INTS1: variants seen among roughly 807,000 people sequenced by gnomAD.
INTS1 encodes the protein integrator complex subunit 1.
A neutral mutation model predicts 241.6 loss-of-function variants in INTS1; 137 were observed. That is an observed-to-expected ratio of 0.57 (90% CI 0.49 to 0.65). The LOEUF (loss-of-function observed/expected upper bound fraction) is 0.65, where lower values mean the gene tolerates loss of function less well. INTS1 is among the 30% of genes least tolerant of loss of function. INTS1 has a pLI of 0.00. For missense variants in INTS1, 3,073 were observed against 3,032.2 expected (o/e 1.01, Z -0.32); for synonymous variants, 1,692 against 1,337.8 (o/e 1.26, Z -5.78).
Position 1,481,439 on chromosome 7 carries a change from A to C in INTS1, c.3753T>G (p.Phe1251Leu). 6.2e-7 allele frequency: 1 copy of C among 1,612,416 alleles called. No homozygotes were observed. The highest frequency in any genetic ancestry group is 8.5e-7 in the Non-Finnish European group (1 of 1,179,518). ...TGCTCATGCTGGACACGGGGATGCC[A>C]AACGACTGCACGAACAGCAGCAGCT... ...PQQLLLFVQS[F>L]GIPVSSMSKL... Residue 1251 changes from phenylalanine (F) to leucine (L), a missense_variant, in exon 28 of 48, where the codon TTT (phenylalanine) becomes TTG (leucine). Physicochemically the swap from Phe to Leu is conservative, Grantham distance 22 (BLOSUM62 0). Transcript: ENST00000404767. This position sits in a 1 kb window ranked among gnomAD's most constrained non-coding sequence, Gnocchi z 6.8.
intron 13 of INTS1, 136 bp downstream of exon 13, chr7:1,495,297 G>T: frequency 9.3e-7 from 1 of 1,072,186 alleles, no homozygotes; most frequent in Non-Finnish European, 1.3e-6. Context: ...CCGGCTTAGT[G>T]GGGTGTGGGG....
At chr7:1,484,511 C>T (rs865880392) in intron 24 of INTS1, among the ~76,000 whole-genome samples, 9 of 152,314 alleles carry the variant, frequency 5.9e-5, no homozygotes, top group South Asian at 4.1e-4. Context: ...AGGTTGTGGA[C>T]AAGAGAACCG....
chr7:1,495,408 G>A, intron 13 of INTS1, 25 bp downstream of exon 13: 1 of 1,599,044 alleles, frequency 6.3e-7, no homozygotes, highest in Non-Finnish European at 8.5e-7. Context: ...TGTGGGACAG[G>A]GGCTGTACAG....
chr7:1,476,673 G>T lies in INTS1; in HGVS notation c.5064-16C>A. 6.2e-7 allele frequency: 1 copy of T among 1,612,596 alleles called. No individual in the cohort carries two copies. The highest frequency in any genetic ancestry group is 8.5e-7 in the Non-Finnish European group (1 of 1,179,796). On this transcript the variant is annotated splice_polypyrimidine_tract_variant and intron_variant, in intron 36 of 47. Coordinates refer to ENST00000404767, the MANE Select transcript of INTS1 (RefSeq NM_001080453.3). ...GGGGTCGAACCTGTGGGGAGGCAAA[G>T]GTTCCAGAGCACGAGGTGTCTCGTC...
Position 1,503,898 on chromosome 7 carries a change from C to A in INTS1, c.58+5G>T, listed in dbSNP as rs1783330625. Reference sequence around the variant, plus strand: ...CCGGGCTGCAGAGCGAGGAGGGAGACGCACCTGAGGGTTTGGCCGCGGCGC... The same window carrying A: ...CCGGGCTGCAGAGCGAGGAGGGAGAAGCACCTGAGGGTTTGGCCGCGGCGC... On this transcript the variant is annotated splice_donor_5th_base_variant and intron_variant, in intron 2 of 47. Transcript: ENST00000404767. 1 of 1,562,778 alleles carries A rather than the reference C, an allele frequency of 6.4e-7. No homozygotes were observed. The highest frequency in any genetic ancestry group is 1.9e-5 in the Admixed American group (1 of 53,406).
intron 2 of INTS1, 108 bp from the exon 3 acceptor site, chr7:1,503,299 G>A (rs543421037): frequency 2.2e-5 from 27 of 1,239,594 alleles, no homozygotes; most frequent in Admixed American, 1.8e-4. Flanking sequence ...AGGGTCAGAG[G>A]AGGCAAGGAA....
chr7:1,501,377 C>A (rs944574829), intron 3 of INTS1: 1 of 152,104 alleles, frequency 6.6e-6, no homozygotes, highest in South Asian at 2.1e-4. Flanking sequence ...ACCTTAACTG[C>A]GCCCGGGACA....
chr7:1,498,789 C>T lies in INTS1; in HGVS notation c.1201G>A (p.Glu401Lys), dbSNP rs762137304. The T allele has an allele frequency of 1.6e-5, 25 of 1,599,370 alleles. No homozygotes were observed. The highest frequency in any genetic ancestry group is 2.0e-5 in the Non-Finnish European group (23 of 1,173,390). ...AGGTGTGAGATGACGTCCATGTCTTCGGAACCGTGCGTGTTGCAGTTCATG... is the reference window on the plus strand; with the variant it reads ...AGGTGTGAGATGACGTCCATGTCTTTGGAACCGTGCGTGTTGCAGTTCATG... ...VCMNCNTHGSEDMDVISHLIK... is the reference protein window; with the variant it reads ...VCMNCNTHGSKDMDVISHLIK... The change falls in exon 9 of 48, where the codon GAA (glutamate) becomes AAA (lysine). Residue 401 changes from glutamate (E) to lysine (K), a missense_variant. Physicochemically the swap from Glu to Lys is moderately conservative, Grantham distance 56 (BLOSUM62 1). Coordinates refer to ENST00000404767, the MANE Select transcript of INTS1 (RefSeq NM_001080453.3).
intron 16 of INTS1, among the ~76,000 whole-genome samples, chr7:1,491,670 G>A (rs1782552349): frequency 6.6e-6 from 1 of 152,204 alleles, no homozygotes; most frequent in South Asian, 2.1e-4. Flanking sequence ...GGAGGTCAAA[G>A]CAGGAGGACT....
rs1425553885 is a variant in INTS1 at position 1,486,993 on chromosome 7, C to T, written c.2755G>A (p.Val919Met). The T allele has an allele frequency of 6.2e-7, 1 of 1,607,396 alleles. No homozygotes were observed. Among genetic ancestry groups the T allele is most frequent in the Admixed American group, 1.7e-5 (1 of 59,786 alleles). ...CLCEFLLHDA[V>M]DDAASGEEDD... is the part of the protein sequence containing the mutation. ...TCCTCCCCGGAAGCAGCATCGTCCA[C>T]AGCATCGTGCAGCAGGAACTCGCAC... Residue 919 changes from valine to methionine, a missense_variant, in exon 21 of 48, where the codon GTG becomes ATG. Val to Met is a conservative substitution (Grantham distance 21, BLOSUM62 1). Transcript: ENST00000404767.
chr7:1,470,769 A>T (rs1781423653), intron 47 of INTS1, 77 bp from the exon 48 acceptor site: 1 of 1,470,432 alleles, frequency 6.8e-7, no homozygotes. Flanking sequence ...CGGGACTCCC[A>T]AGAGCCAGCC....
rs939704290 is a variant in INTS1 at position 1,473,101 on chromosome 7, G to A, written c.6041C>T (p.Thr2014Ile). 3.1e-6 allele frequency: 5 copies of A among 1,611,310 alleles called. No homozygotes were observed. Among genetic ancestry groups the A allele is most frequent in the Non-Finnish European group, 4.2e-6 (5 of 1,178,914 alleles). ...GLSLPSRDDR[T>I]DRGLDEEGEE... ...GCCCTCTTCGTCCAGGCCTCGGTCG[G>A]TCCTGTCGTCCCTGCTGGGCAGGCT... The change falls in exon 43 of 48, where the codon ACC becomes ATC. Residue 2014 changes from threonine (T) to isoleucine (I), a missense_variant. Coordinates refer to ENST00000404767, the MANE Select transcript of INTS1 (RefSeq NM_001080453.3).
chr7:1,471,282 C>T, intron 45 of INTS1, 58 bp from the exon 46 acceptor site: 1 of 1,498,188 alleles, frequency 6.7e-7, no homozygotes, highest in Non-Finnish European at 9.1e-7. Flanking sequence ...CATCAAGGCC[C>T]CTTCACCTCT....
chr7:1,490,025 G>C (rs759091382), intron 16 of INTS1, among the ~76,000 whole-genome samples: 2 of 152,180 alleles, frequency 1.3e-5, no homozygotes, highest in African/African-American at 2.4e-5. Context: ...TGGAATTATT[G>C]TAACGATACA....
rs539549808 is a variant in INTS1 at position 1,495,799 on chromosome 7, C to A, written c.1712-246G>T. ...CGGTCAATGGCTTAGAGGGCTTCTG[C>A]GGCCCAGCCTTCCTGTGAACCCATA... is the stretch of plus-strand genomic sequence containing the variant. On this transcript the variant is annotated intron_variant, in intron 12 of 47. Transcript: ENST00000404767. Among the ~76,000 whole-genome samples, 380 of 152,276 alleles carry A rather than the reference C, an allele frequency of 2.5e-3. 4 individuals are homozygous for A. Among genetic ancestry groups the A allele is most frequent in the African/African-American group, 8.7e-3 (360 of 41,544 alleles).
At chr7:1,496,065 C>G in intron 12 of INTS1, 91 bp downstream of exon 12, 1 of 974,048 alleles carries the variant, frequency 1.0e-6, no homozygotes, top group Non-Finnish European at 1.6e-6. Flanking sequence ...GCCGGGCGCT[C>G]AGGGGACAGT....
chr7:1,495,576 T>A, intron 12 of INTS1, 23 bp from the exon 13 acceptor site: 1 of 1,598,710 alleles, frequency 6.3e-7, no homozygotes. Flanking sequence ...CGCAGCTTAG[T>A]GGCCCATCCG....
At position 1,481,550 on chromosome 7, in the gene INTS1, A is replaced by T. The variant is rs568618109; in HGVS notation, c.3704-62T>A. The T allele has an allele frequency of 4.8e-4, 724 of 1,517,892 alleles. 16 individuals carry two copies. In the South Asian group the frequency reaches 7.3e-3, roughly 15 times the overall value. The allele number at this position is 1,517,892 out of a possible 1,614,324, so 94.0% of individuals were successfully genotyped here. A position where few individuals can be genotyped will look rare whatever the true frequency, so the allele number is the denominator to read the frequency against. On this transcript the variant is annotated intron_variant, in intron 27 of 47. Transcript: ENST00000404767. This position sits in a 1 kb window ranked among gnomAD's most constrained non-coding sequence, Gnocchi z 6.8. ...CCGGGCAATGCGCACTCGGGACCCC[A>T]CCCGAGACCTGGGGCTGCCTGTGTG...
In INTS1 at chr7:1,470,706, G is replaced by A. The variant is rs370436887; in HGVS notation, c.6458-14C>T. ...CAGCCGCGTGCTCTGTGGGGGAAAC[G>A]GGGCCCTGCACGTCACGCTGGCCAC... is the stretch of plus-strand genomic sequence containing the variant. On this transcript the variant is annotated splice_polypyrimidine_tract_variant and intron_variant, in intron 47 of 47. Coordinates refer to ENST00000404767, the MANE Select transcript of INTS1 (RefSeq NM_001080453.3). 2.1e-5 allele frequency: 32 copies of A among 1,526,130 alleles called. No homozygotes were observed. The highest frequency in any genetic ancestry group is 2.1e-4 in the Admixed American group (10 of 48,656). The allele number at this position is 1,526,130 out of a possible 1,614,324, so 94.5% of individuals were successfully genotyped here. A position where few individuals can be genotyped will look rare whatever the true frequency, so the allele number is the denominator to read the frequency against.
Sources: gnomAD v4.1 joint callset for allele counts (sites outside exome capture counted in the v4.1 genomes callset) on GRCh38, gnomAD v4.1.1 for gene constraint, Gnocchi (gnomAD v3.1) non-coding constraint, MANE v1.5 for transcripts, NCBI Gene and HGNC (gene_info 2026-07-23, HGNC 2026-07-21) for gene names.